ELAPOR1: variants seen among roughly 807,000 people sequenced by gnomAD.
ELAPOR1 encodes the protein endosome/lysosome-associated apoptosis and autophagy regulator 1.
In ELAPOR1, 77 loss-of-function variants were observed where a neutral mutation model predicts 119.7. The observed-to-expected ratio is 0.64, with a 90% CI of 0.54 to 0.78. The LOEUF is 0.78. Among genes scored for constraint, ELAPOR1 ranks in the 30% least tolerant of loss-of-function variants. The pLI is 0.00. For synonymous variants in ELAPOR1, 481 were observed against 487.2 expected, an observed-to-expected ratio of 0.99 and a Z score of 0.17; for missense variants, 1,115 against 1,270.4, an observed-to-expected ratio of 0.88 and a Z score of 1.86.
Position 109,204,911 on chromosome 1 carries a change from G to T in ELAPOR1, c.*1899G>T, listed in dbSNP as rs931074437. On this transcript the variant is annotated 3_prime_UTR_variant, in exon 22 of 22. Coordinates refer to ENST00000369939, the MANE Select transcript of ELAPOR1 (RefSeq NM_020775.5). The stretch of plus-strand genomic sequence containing the variant: ...TCTAAAAAATTTAAAAATAAACAAG[G>T]TGTTCACCAAGCTGGGATACTTCTC... 5 of 152,152 alleles carry T rather than the reference G, an allele frequency of 3.3e-5. No homozygotes were observed. The highest frequency in any genetic ancestry group is 1.3e-4 in the Admixed American group (2 of 15,274). The allele number at this position is 152,152 out of a possible 1,614,324, so 9.4% of individuals were successfully genotyped here. A position where few individuals can be genotyped will look rare whatever the true frequency, so the allele number is the denominator to read the frequency against.
At chr1:109,149,166 CAG>C (rs1345096918) in intron 1 of ELAPOR1, among the ~76,000 whole-genome samples, 2 of 152,212 alleles carry the variant, frequency 1.3e-5, no homozygotes, top group Non-Finnish European at 2.9e-5. Flanking sequence ...GTAAACATGA[CAG>C]GGGAAACTGA....
At chr1:109,171,496 G>A (rs1208245055) in intron 3 of ELAPOR1, among the ~76,000 whole-genome samples, 1 of 151,976 alleles carries the variant, frequency 6.6e-6, no homozygotes, top group Non-Finnish European at 1.5e-5. Flanking sequence ...AGGTTGTGGT[G>A]AGCCGAGGCC....
intron 1 of ELAPOR1, among the ~76,000 whole-genome samples, chr1:109,123,851 G>A (rs2100965694): frequency 6.6e-6 from 1 of 152,264 alleles, no homozygotes. Context: ...TTCCCAGGCT[G>A]GAGTGCAATG....
At chr1:109,125,932 C>T (rs1648749698) in intron 1 of ELAPOR1, among the ~76,000 whole-genome samples, 1 of 152,206 alleles carries the variant, frequency 6.6e-6, no homozygotes, top group South Asian at 2.1e-4. Context: ...TGCTTCCCCT[C>T]CACCCAACCA....
At chr1:109,116,199 A>G (rs1266692023) in intron 1 of ELAPOR1, among the ~76,000 whole-genome samples, 2 of 152,252 alleles carry the variant, frequency 1.3e-5, no homozygotes, top group Non-Finnish European at 2.9e-5. Flanking sequence ...TTGCCTAAGC[A>G]AAAGGTCTTG....
At chr1:109,201,013 C>T in intron 21 of ELAPOR1, 113 bp downstream of exon 21, 1 of 956,140 alleles carries the variant, frequency 1.0e-6, no homozygotes, top group Non-Finnish European at 1.5e-6. Flanking sequence ...GCTCCCCACG[C>T]CCGATACAAT....
intron 8 of ELAPOR1, chr1:109,187,933 A>G: frequency 8.0e-7 from 1 of 1,254,456 alleles, no homozygotes; most frequent in East Asian, 3.0e-5. Flanking sequence ...AGTCTTCATT[A>G]GAGCTATTCC....
chr1:109,185,083 A>C lies in ELAPOR1; in HGVS notation c.991A>C (p.Thr331Pro), dbSNP rs1652963072. The C allele has an allele frequency of 6.2e-7, 1 of 1,613,990 alleles. No individual in the cohort carries two copies. Among genetic ancestry groups the C allele is most frequent in the Non-Finnish European group, 8.5e-7 (1 of 1,179,834 alleles). ...SSSCNVRPAC[T>P]DKDYFYTHTA... ...TTCCTGTAACGTGCGCCCAGCTTGCACAGACAAAGATTATTTCTACACACA... is the reference window on the plus strand; with the variant it reads ...TTCCTGTAACGTGCGCCCAGCTTGCCCAGACAAAGATTATTTCTACACACA... The change falls in exon 8 of 22, where the codon ACA (threonine) becomes CCA (proline). Residue 331 changes from threonine to proline, a missense_variant. Thr to Pro is a conservative substitution (Grantham distance 38, BLOSUM62 -1). Coordinates refer to ENST00000369939, the MANE Select transcript of ELAPOR1 (RefSeq NM_020775.5).
intron 1 of ELAPOR1, among the ~76,000 whole-genome samples, chr1:109,122,687 T>C (rs2100963151): frequency 6.6e-6 from 1 of 150,578 alleles, no homozygotes; most frequent in African/African-American, 2.4e-5. Flanking sequence ...CTGGGTGCAG[T>C]GGCTGACACC....
intron 1 of ELAPOR1, among the ~76,000 whole-genome samples, chr1:109,129,956 AC>A (rs1170632694): frequency 2.6e-5 from 4 of 152,124 alleles, no homozygotes; most frequent in African/African-American, 4.8e-5. Context: ...AGGGCCATGC[AC>A]CCTCTGAAGG....
chr1:109,172,266 A>G (rs890274492), intron 4 of ELAPOR1, among the ~76,000 whole-genome samples: 1 of 152,188 alleles, frequency 6.6e-6, no homozygotes, highest in Non-Finnish European at 1.5e-5. Context: ...AAAACAGCAC[A>G]TCTGAGTTAC....
intron 1 of ELAPOR1, among the ~76,000 whole-genome samples, chr1:109,131,754 G>C (rs1438468201): frequency 6.6e-6 from 1 of 152,198 alleles, no homozygotes; most frequent in African/African-American, 2.4e-5. Flanking sequence ...AGCTTCAGGG[G>C]CCGGAGGCAT....
intron 15 of ELAPOR1, among the ~76,000 whole-genome samples, chr1:109,194,949 A>C (rs2101124445): frequency 6.6e-6 from 1 of 151,874 alleles, no homozygotes; most frequent in South Asian, 2.1e-4. Flanking sequence ...CTCTACTAAA[A>C]ATACAAAAAA....
intron 3 of ELAPOR1, among the ~76,000 whole-genome samples, chr1:109,167,310 C>G (rs1386320596): frequency 3.3e-5 from 5 of 152,062 alleles, no homozygotes; most frequent in African/African-American, 1.2e-4. Flanking sequence ...TTCCACCGCA[C>G]GGACTATTTC....
chr1:109,189,110 G>C lies in ELAPOR1; in HGVS notation c.1264G>C (p.Glu422Gln). The C allele has an allele frequency of 2.5e-6, 4 of 1,613,762 alleles. No homozygotes were observed. Among genetic ancestry groups the C allele is most frequent in the Non-Finnish European group, 3.4e-6 (4 of 1,179,852 alleles). The change falls in exon 10 of 22, where the codon GAA (glutamate) becomes CAA (glutamine). Residue 422 changes from glutamate to glutamine, a missense_variant. Transcript: ENST00000369939. ...AGGGACTGAACCTGCTGTGGGATTTGAATACAAATGGTGGAACACGCTGCC... is the reference window on the plus strand; with the variant it reads ...AGGGACTGAACCTGCTGTGGGATTTCAATACAAATGGTGGAACACGCTGCC... Reference protein sequence around the residue: ...PAGTEPAVGFEYKWWNTLPTN... With the variant: ...PAGTEPAVGFQYKWWNTLPTN...
intron 3 of ELAPOR1, among the ~76,000 whole-genome samples, chr1:109,166,937 A>G (rs1411502581): frequency 6.6e-6 from 1 of 152,242 alleles, no homozygotes; most frequent in East Asian, 1.9e-4. Flanking sequence ...TCCCATTCCT[A>G]TACTTAAATC....
At chr1:109,178,011 C>CTTTT (rs61317397) in intron 7 of ELAPOR1, among the ~76,000 whole-genome samples, 8 of 135,730 alleles carry the variant, frequency 5.9e-5, no homozygotes, top group South Asian at 2.3e-4. Context: ...TTTTTTCTTT[C>CTTTT]TTTTTTTTTT....
intron 7 of ELAPOR1, among the ~76,000 whole-genome samples, chr1:109,178,730 C>T (rs925228070): frequency 4.6e-5 from 7 of 151,838 alleles, no homozygotes; most frequent in Admixed American, 2.0e-4. Context: ...TTTGGGAGGC[C>T]GAGGTGGGTG....
Position 109,171,881 on chromosome 1 carries a change from C to T in ELAPOR1, c.483C>T (p.Pro161=), listed in dbSNP as rs1390616209. The T allele has an allele frequency of 1.2e-6, 2 of 1,614,194 alleles. No individual in the cohort carries two copies. The highest frequency in any genetic ancestry group is 1.7e-6 in the Non-Finnish European group (2 of 1,180,034). ...TGNCTSSKWV[P]RGDYIASNTD... is the part of the protein sequence containing the mutation. Reference sequence around the variant, plus strand: ...TCCTTCACAGGTCCAAGTGGGTTCCCCGGGGCGACTACATCGCCTCCAACA... The same window carrying T: ...TCCTTCACAGGTCCAAGTGGGTTCCTCGGGGCGACTACATCGCCTCCAACA... Residue 161 remains proline (P), a synonymous_variant, in exon 4 of 22, where the codon CCC becomes CCT. Coordinates refer to ENST00000369939, the MANE Select transcript of ELAPOR1 (RefSeq NM_020775.5).
Sources: allele counts gnomAD v4.1 joint callset (sites outside exome capture counted in the v4.1 genomes callset), GRCh38; gene constraint gnomAD v4.1.1; transcripts MANE v1.5; gene names NCBI Gene and HGNC (gene_info 2026-07-23, HGNC 2026-07-21).